The following MGST1 variants were observed in gnomAD, a reference collection of about 807,000 sequenced individuals.
The protein encoded by MGST1 is microsomal glutathione S-transferase 1.
In MGST1, 5 loss-of-function variants were observed where a neutral mutation model predicts 8.9. The observed-to-expected ratio is 0.56, with a 90% CI of 0.29 to 1.19. The LOEUF is 1.19. Among genes scored for constraint, MGST1 ranks in the 50% most tolerant of loss-of-function variants. MGST1 has a pLI of 0.08. For synonymous variants in MGST1, 54 were observed against 67.8 expected, an observed-to-expected ratio of 0.80 and a Z score of 1.00; for missense variants, 182 against 187.4, an observed-to-expected ratio of 0.97 and a Z score of 0.17.
intron 1 of MGST1, among the ~76,000 whole-genome samples, chr12:16,398,229 C>T (rs1940623094): frequency 6.6e-6 from 1 of 152,078 alleles, no homozygotes; most frequent in Non-Finnish European, 1.5e-5. Flanking sequence ...AGTCACAGAG[C>T]ATGGAAGGAA....
intron 4 of MGST1, among the ~76,000 whole-genome samples, chr12:16,580,251 C>T (rs985816850): frequency 1.3e-5 from 2 of 152,182 alleles, no homozygotes; most frequent in Non-Finnish European, 2.9e-5. Context: ...CAGGTGCATG[C>T]CACTGCTTCT....
At position 16,582,670 on chromosome 12, in the gene MGST1, T is replaced by C. The variant is rs979885737; in HGVS notation, n.483-6858T>C. Among the ~76,000 whole-genome samples, 1 of 151,886 alleles carries C rather than the reference T, an allele frequency of 6.6e-6. No individual in the cohort carries two copies. The highest frequency in any genetic ancestry group is 1.5e-5 in the Non-Finnish European group (1 of 67,980). On this transcript the variant is annotated intron_variant and non_coding_transcript_variant, in intron 4 of 4. Coordinates refer to the MGST1 transcript ENST00000538857. This position sits in a 1 kb window ranked among gnomAD's most constrained non-coding sequence, Gnocchi z 4.1. ...GACAAATAACATCTCCTAGGAAAAA[T>C]AAGTATACCACAACAAGATCACCGT... is the stretch of plus-strand genomic sequence containing the variant.
At chr12:16,563,831 G>A (rs980823481) in intron 4 of MGST1, among the ~76,000 whole-genome samples, 3 of 151,856 alleles carry the variant, frequency 2.0e-5, no homozygotes, top group East Asian at 1.9e-4. Flanking sequence ...ATACATTTAC[G>A]GTAAGGAAAA....
chr12:16,397,882 A>G (rs1228476153), intron 1 of MGST1, among the ~76,000 whole-genome samples: 1 of 150,322 alleles, frequency 6.7e-6, no homozygotes, highest in African/African-American at 2.4e-5. Context: ...CAACTAAACT[A>G]AATATGTATA....
In MGST1 at chr12:16,548,513, G is replaced by C. The variant is rs940080728; in HGVS notation, n.483-41015G>C. 1.3e-5 allele frequency: 2 copies of C among 152,086 alleles called. No homozygotes were observed. Among genetic ancestry groups the C allele is most frequent in the Non-Finnish European group, 2.9e-5 (2 of 68,002 alleles). 9.4% of individuals were successfully genotyped at this position (152,086 alleles called of 1,614,324 possible). A position where few individuals can be genotyped will look rare whatever the true frequency, so the allele number is the denominator to read the frequency against. ...TTAAACTCAGCACTCTGTTGGAGTG[G>C]AGGTGCACGGTCCTTCATCATAGGC... On this transcript the variant is annotated intron_variant and non_coding_transcript_variant, in intron 4 of 4. Transcript: ENST00000538857. The surrounding 1 kb of genome is among the most constrained non-coding windows in gnomAD (Gnocchi z 4.2).
At chr12:16,465,790 T>G (rs2137129444) in intron 4 of MGST1, among the ~76,000 whole-genome samples, 1 of 152,194 alleles carries the variant, frequency 6.6e-6, no homozygotes, top group African/African-American at 2.4e-5. Flanking sequence ...CACCCCAATC[T>G]GTGGAAAAAT....
At chr12:16,443,283 CT>C (rs1351619672), downstream of MGST1, among the ~76,000 whole-genome samples, 3 of 151,450 alleles carry the variant, frequency 2.0e-5, no homozygotes, top group Non-Finnish European at 3.0e-5. Flanking sequence ...ATAATTTGAC[CT>C]TTTAAAATAT....
Position 16,586,412 on chromosome 12 carries a change from A to G in MGST1, n.483-3116A>G, listed in dbSNP as rs1351935474. ...CGGAGGATCCTAATCTTCCCCAGCA[A>G]GGCTTTCTGGTTCTCCTCCAACACA... is the stretch of plus-strand genomic sequence containing the variant. On this transcript the variant is annotated intron_variant and non_coding_transcript_variant, in intron 4 of 4. Coordinates refer to the MGST1 transcript ENST00000538857. The surrounding 1 kb of genome is among the most constrained non-coding windows in gnomAD (Gnocchi z 4.3). Among the ~76,000 whole-genome samples, 1 of 152,144 alleles carries G rather than the reference A, an allele frequency of 6.6e-6. No homozygotes were observed. The highest frequency in any genetic ancestry group is 6.6e-5 in the Admixed American group (1 of 15,258).
Position 16,552,493 on chromosome 12 carries a change from T to C in MGST1, n.483-37035T>C, listed in dbSNP as rs114588613. On this transcript the variant is annotated intron_variant and non_coding_transcript_variant, in intron 4 of 4. Coordinates refer to the MGST1 transcript ENST00000538857. ...TTGGACTGATTTACATTTGCAAAGA[T>C]TGGAATGCTAGACAAACAGTGAACC... Among the ~76,000 whole-genome samples, 496 of 152,134 alleles carry C rather than the reference T, an allele frequency of 3.3e-3. 1 individual carries two copies. Among genetic ancestry groups the C allele is most frequent in the African/African-American group, 0.011 (471 of 41,536 alleles).
At chr12:16,521,711 G>A (rs1336394211) in intron 4 of MGST1, among the ~76,000 whole-genome samples, 1 of 152,022 alleles carries the variant, frequency 6.6e-6, no homozygotes, top group African/African-American at 2.4e-5. Flanking sequence ...GAATTAACTT[G>A]CAAAGAAATT....
intron 1 of MGST1, chr12:16,399,406 C>G: frequency 1.3e-6 from 2 of 1,513,448 alleles, no homozygotes; most frequent in Non-Finnish European, 9.2e-7. Flanking sequence ...TGTTCTTCTT[C>G]TTCCTTATAA....
rs1941194174 is a variant in MGST1, at chr12:16,458,440, C to G, written n.482+74836C>G. ...CCAAACTAAATTGTACTCTGAAGCC[C>G]TTGCTGGATTCCTGCAAGAATCAAT... On this transcript the variant is annotated intron_variant and non_coding_transcript_variant, in intron 4 of 4. Coordinates refer to the MGST1 transcript ENST00000538857. The surrounding 1 kb of genome is among the most constrained non-coding windows in gnomAD (Gnocchi z 4.0). 6.6e-6 allele frequency among the ~76,000 whole-genome samples: 1 copy of G among 151,966 alleles called. No individual in the cohort carries two copies. The highest frequency in any genetic ancestry group is 6.6e-5 in the Admixed American group (1 of 15,214).
chr12:16,516,290 C>T (rs2137184807), intron 4 of MGST1, among the ~76,000 whole-genome samples: 1 of 152,290 alleles, frequency 6.6e-6, no homozygotes, highest in South Asian at 2.1e-4. Context: ...TTAGTCTTTC[C>T]AGTAGGTTAT....
chr12:16,581,647 T>A (rs1406195624), intron 4 of MGST1, among the ~76,000 whole-genome samples: 2 of 152,206 alleles, frequency 1.3e-5, no homozygotes, highest in East Asian at 1.9e-4. Context: ...ATTGCTATTA[T>A]AACAGGCTTA....
downstream of MGST1, among the ~76,000 whole-genome samples, chr12:16,381,742 G>A (rs946944237): frequency 2.6e-5 from 4 of 152,106 alleles, no homozygotes; most frequent in African/African-American, 9.7e-5. Context: ...TTTCCACCTT[G>A]GTTCCATTCT....
At chr12:16,481,020 G>C (rs1941361111) in intron 4 of MGST1, among the ~76,000 whole-genome samples, 1 of 151,942 alleles carries the variant, frequency 6.6e-6, no homozygotes, top group Non-Finnish European at 1.5e-5. Context: ...GCAACATACA[G>C]TCCTAGGATC....
intron 1 of MGST1, among the ~76,000 whole-genome samples, chr12:16,352,482 A>G (rs997008567): frequency 2.0e-5 from 3 of 152,272 alleles, no homozygotes; most frequent in African/African-American, 7.2e-5. Flanking sequence ...TGGGTCTGAG[A>G]AAAGTTGTGT....
Position 16,582,083 on chromosome 12 carries a change from ATTACT to A in MGST1, n.483-7441_483-7437del, listed in dbSNP as rs977976486. On this transcript the variant is annotated intron_variant and non_coding_transcript_variant, in intron 4 of 4. Coordinates refer to the MGST1 transcript ENST00000538857. The surrounding 1 kb of genome is among the most constrained non-coding windows in gnomAD (Gnocchi z 4.1). ...TGGCTTTTTCTTGGCTTTAATGGAA[ATTACT>A]TTAGTATTTAGCTGTTTTATAAATT... Among the ~76,000 whole-genome samples the A allele has an allele frequency of 4.6e-5, 7 of 152,176 alleles. No individual in the cohort carries two copies. Among genetic ancestry groups the A allele is most frequent in the Admixed American group, 3.9e-4 (6 of 15,276 alleles).
intron 4 of MGST1, among the ~76,000 whole-genome samples, chr12:16,474,047 C>T (rs12312037): frequency 3.9e-5 from 6 of 152,126 alleles, no homozygotes; most frequent in Admixed American, 1.3e-4. Flanking sequence ...TATACTGGAA[C>T]GGAGTGAACA....
Sources: allele counts gnomAD v4.1 joint callset (sites outside exome capture counted in the v4.1 genomes callset), GRCh38; gene constraint gnomAD v4.1.1; non-coding constraint Gnocchi (gnomAD v3.1); transcripts MANE v1.5; gene names NCBI Gene and HGNC (gene_info 2026-07-23, HGNC 2026-07-21).